Variants in OR56A3 observed in about 807,000 individuals in gnomAD.
OR56A3 encodes olfactory receptor 56A3.
A neutral mutation model predicts 17.5 loss-of-function variants in OR56A3; 23 were observed. The observed-to-expected ratio is 1.32, with a 90% CI of 0.95 to 1.87. OR56A3 has a LOEUF of 1.87. Ranked by LOEUF, OR56A3 falls within the 40% of genes most tolerant of loss-of-function variation. The pLI, the probability that OR56A3 is intolerant of heterozygous loss-of-function variation, is 0.00. For missense variants in OR56A3, 366 were observed against 380.1 expected (o/e 0.96, Z 0.31); for synonymous variants, 175 against 150.6 (o/e 1.16, Z -1.19).
At chr11:5,957,684 G>A in the OR56A3 span, among the ~76,000 whole-genome samples, 2 of 152,148 alleles carry the variant, frequency 1.3e-5, no homozygotes, top group African/African-American at 4.8e-5. Context: ...ATTCCAGAAA[G>A]TGTTTTCCAT....
At chr11:5,962,839 T>C in the OR56A3 span, among the ~76,000 whole-genome samples, 1 of 152,234 alleles carries the variant, frequency 6.6e-6, no homozygotes, top group African/African-American at 2.4e-5. Context: ...TCTGGGCTTT[T>C]CTTTAGTGAG....
chr11:5,994,629 TCA>T, the OR56A3 span: 1 of 782,366 alleles, frequency 1.3e-6, no homozygotes, highest in South Asian at 1.3e-5. Flanking sequence ...ATTTCGCTCT[TCA>T]CAGACTGGCA....
chr11:5,998,638 G>T, the OR56A3 span, among the ~76,000 whole-genome samples: 1 of 152,160 alleles, frequency 6.6e-6, no homozygotes, highest in African/African-American at 2.4e-5. Context: ...ACCCCAAGAA[G>T]AAAAGTTGGA....
chr11:5,978,368 TTG>T, the OR56A3 span, among the ~76,000 whole-genome samples: 1 of 152,206 alleles, frequency 6.6e-6, no homozygotes, highest in Non-Finnish European at 1.5e-5. Context: ...TTTGTTTATG[TTG>T]TCTCTAATTT....
the OR56A3 span, among the ~76,000 whole-genome samples, chr11:6,018,878 A>G: frequency 6.6e-6 from 1 of 152,106 alleles, no homozygotes; most frequent in Non-Finnish European, 1.5e-5. Flanking sequence ...ACAAAATATT[A>G]TCAGTGACTA....
chr11:5,986,564 GGAT>G, the OR56A3 span: 1 of 1,613,966 alleles, frequency 6.2e-7, no homozygotes, highest in Non-Finnish European at 8.5e-7. Context: ...GAGAATGCAT[GGAT>G]GAAGAACATC....
At chr11:5,997,039 G>A in the OR56A3 span, among the ~76,000 whole-genome samples, 1 of 152,168 alleles carries the variant, frequency 6.6e-6, no homozygotes, top group Non-Finnish European at 1.5e-5. Flanking sequence ...TCTAGGAGGG[G>A]TGAATTATAG....
At chr11:5,952,877 C>T (rs1011330937), downstream of OR56A3, among the ~76,000 whole-genome samples, 1 of 152,126 alleles carries the variant, frequency 6.6e-6, no homozygotes, top group Non-Finnish European at 1.5e-5. Flanking sequence ...AATGTTTAGC[C>T]TCCATTTATA....
At chr11:5,992,648 T>A in the OR56A3 span, among the ~76,000 whole-genome samples, 2 of 152,156 alleles carry the variant, frequency 1.3e-5, no homozygotes, top group South Asian at 4.1e-4. Flanking sequence ...CCCCTTGCCA[T>A]GGTGCATGTA....
the OR56A3 span, chr11:6,021,849 T>C: frequency 2.6e-5 from 4 of 152,158 alleles, no homozygotes; most frequent in East Asian, 3.8e-4. Flanking sequence ...GTAAAAATAT[T>C]GCAATATCTG....
At chr11:5,968,433 G>A in the OR56A3 span, 5 of 1,596,402 alleles carry the variant, frequency 3.1e-6, no homozygotes, top group South Asian at 5.6e-5. Context: ...CTGGAAACTG[G>A]GGAAACAAAT....
chr11:5,970,666 GA>G, the OR56A3 span, among the ~76,000 whole-genome samples: 1 of 149,426 alleles, frequency 6.7e-6, no homozygotes, highest in South Asian at 2.1e-4. Context: ...AGACTAGGAA[GA>G]AAAATATTGG....
chr11:5,974,876 C>G, the OR56A3 span, among the ~76,000 whole-genome samples: 2 of 152,176 alleles, frequency 1.3e-5, no homozygotes, highest in East Asian at 3.8e-4. Context: ...TAAAACAGTG[C>G]TGAGCTTATA....
chr11:5,994,985 C>A, the OR56A3 span: 1 of 688,184 alleles, frequency 1.5e-6, no homozygotes, highest in Non-Finnish European at 2.7e-6. Flanking sequence ...GCGCCCGGAC[C>A]CCAAGCCACC....
the OR56A3 span, among the ~76,000 whole-genome samples, chr11:6,012,892 T>A: frequency 1.3e-5 from 2 of 152,248 alleles, no homozygotes; most frequent in Non-Finnish European, 2.9e-5. Flanking sequence ...CCAGCTGGGC[T>A]GTGATAGCAC....
the OR56A3 span, chr11:6,019,900 T>G: frequency 6.6e-6 from 1 of 152,122 alleles, no homozygotes; most frequent in Non-Finnish European, 1.5e-5. Flanking sequence ...CTTGGCTCTA[T>G]CCACAGGCAA....
At chr11:5,974,348 G>A in the OR56A3 span, among the ~76,000 whole-genome samples, 6 of 152,004 alleles carry the variant, frequency 3.9e-5, no homozygotes, top group South Asian at 2.1e-4. Flanking sequence ...CTCGTGATCC[G>A]CCCGCCTCGG....
At chr11:5,986,435 C>T in the OR56A3 span, 2 of 1,613,972 alleles carry the variant, frequency 1.2e-6, no homozygotes, top group Non-Finnish European at 1.7e-6. Context: ...CTCACCAGCA[C>T]CACCATTCCG....
At chr11:6,015,627 A>C in the OR56A3 span, among the ~76,000 whole-genome samples, 1 of 152,200 alleles carries the variant, frequency 6.6e-6, no homozygotes, top group Admixed American at 6.5e-5. Context: ...TTGGGAGCCC[A>C]CCTCTTGCAT....
Sources: gnomAD v4.1 joint callset for allele counts (sites outside exome capture counted in the v4.1 genomes callset) on GRCh38, gnomAD v4.1.1 for gene constraint, MANE v1.5 for transcripts, NCBI Gene and HGNC (gene_info 2026-07-23, HGNC 2026-07-21) for gene names.